The following ACVR1C variants were observed in gnomAD, a reference collection of about 807,000 sequenced individuals.
ACVR1C encodes the protein activin receptor type-1C.
In ACVR1C, 23 loss-of-function variants were observed where a neutral mutation model predicts 57.9. The ratio of observed to expected loss-of-function variants is 0.40; its 90% CI spans 0.29 to 0.56. ACVR1C has a LOEUF of 0.56. Ranked by LOEUF, ACVR1C falls within the 20% of genes least tolerant of loss-of-function variation. ACVR1C has a pLI of 0.50. For missense variants in ACVR1C, 480 were observed against 607.9 expected (o/e 0.79, Z 2.21); for synonymous variants, 214 against 215.3 (o/e 0.99, Z 0.05).
chr2:157,566,398 C>T (rs1688379629), intron 2 of ACVR1C, among the ~76,000 whole-genome samples: 2 of 152,224 alleles, frequency 1.3e-5, no homozygotes, highest in African/African-American at 4.8e-5. Context: ...CTATAGCTCC[C>T]AGCGTGAGCG....
At chr2:157,574,238 A>G (rs531862478) in intron 2 of ACVR1C, among the ~76,000 whole-genome samples, 34 of 152,334 alleles carry the variant, frequency 2.2e-4, no homozygotes, top group Middle Eastern at 3.4e-3. Flanking sequence ...GAAGTCTAAG[A>G]TCAACATGCC....
At chr2:157,563,914 T>C (rs763490404) in intron 2 of ACVR1C, among the ~76,000 whole-genome samples, 2 of 152,220 alleles carry the variant, frequency 1.3e-5, no homozygotes, top group Non-Finnish European at 2.9e-5. Context: ...GCTAGCCATA[T>C]GCAGAAAACT....
intron 1 of ACVR1C, among the ~76,000 whole-genome samples, chr2:157,616,403 C>T (rs563914373): frequency 1.3e-5 from 2 of 152,268 alleles, no homozygotes; most frequent in Non-Finnish European, 2.9e-5. Context: ...TTCCTTTTGA[C>T]ATTTTCTTAC....
chr2:157,538,811 C>T, intron 7 of ACVR1C, 108 bp from the exon 8 acceptor site: 5 of 890,404 alleles, frequency 5.6e-6, no homozygotes. Flanking sequence ...CCCCAGGGAA[C>T]TGGAAAGTCA....
chr2:157,554,287 G>GAAAGAAAGAAAGGAAAGAAGGAAA (rs1558975256), intron 3 of ACVR1C, among the ~76,000 whole-genome samples: 1 of 126,234 alleles, frequency 7.9e-6, no homozygotes, highest in African/African-American at 3.6e-5. Flanking sequence ...AAGGAAGAGA[G>GAAAGAAAGAAAGGAAAGAAGGAAA]AGAGAGAGAG....
intron 1 of ACVR1C, among the ~76,000 whole-genome samples, chr2:157,605,991 C>T (rs767187323): frequency 6.6e-6 from 1 of 151,572 alleles, no homozygotes; most frequent in Non-Finnish European, 1.5e-5. Flanking sequence ...ATCTATCATT[C>T]TATTCTCTAT....
At chr2:157,604,227 A>T (rs578133472) in intron 1 of ACVR1C, among the ~76,000 whole-genome samples, 11 of 152,108 alleles carry the variant, frequency 7.2e-5, no homozygotes, top group African/African-American at 2.6e-4. Context: ...AGTTTTGACA[A>T]CTACAATTCC....
chr2:157,583,405 T>C (rs1688835953), intron 2 of ACVR1C, among the ~76,000 whole-genome samples: 1 of 152,166 alleles, frequency 6.6e-6, no homozygotes, highest in Non-Finnish European at 1.5e-5. Flanking sequence ...AAAAATACTA[T>C]GTTCATGGAT....
chr2:157,541,292 A>T, intron 6 of ACVR1C, 78 bp from the exon 7 acceptor site: 3 of 1,411,988 alleles, frequency 2.1e-6, no homozygotes, highest in Non-Finnish European at 2.9e-6. Context: ...AAATTAAGAT[A>T]GCTTATGCCA....
intron 2 of ACVR1C, among the ~76,000 whole-genome samples, chr2:157,573,783 C>G (rs1439190647): frequency 6.6e-6 from 1 of 152,082 alleles, no homozygotes; most frequent in East Asian, 1.9e-4. Flanking sequence ...CTACAGAAAT[C>G]AATTCTGTCA....
At chr2:157,554,287 G>GAAAGGAAA (rs1558975256) in intron 3 of ACVR1C, among the ~76,000 whole-genome samples, 7 of 126,294 alleles carry the variant, frequency 5.5e-5, no homozygotes, top group African/African-American at 2.2e-4. Flanking sequence ...AAGGAAGAGA[G>GAAAGGAAA]AGAGAGAGAG....
At chr2:157,578,992 T>G (rs1688724095) in intron 2 of ACVR1C, among the ~76,000 whole-genome samples, 1 of 152,204 alleles carries the variant, frequency 6.6e-6, no homozygotes, top group Admixed American at 6.5e-5. Context: ...TTAAATTGAT[T>G]AACATTAAAT....
intron 2 of ACVR1C, among the ~76,000 whole-genome samples, chr2:157,559,527 AGCAG>A (rs1238041532): frequency 2.6e-5 from 4 of 152,208 alleles, no homozygotes; most frequent in Non-Finnish European, 5.9e-5. Context: ...TAATTTTTCT[AGCAG>A]GTTTTAAATT....
At chr2:157,597,767 C>T (rs16841888) in intron 1 of ACVR1C, among the ~76,000 whole-genome samples, 9,746 of 152,188 alleles carry the variant, frequency 0.064, 474 homozygotes, top group East Asian at 0.24. Flanking sequence ...AATAAAATGC[C>T]TTGTCTAGAA....
At chr2:157,600,991 T>C (rs1682266313) in intron 1 of ACVR1C, among the ~76,000 whole-genome samples, 1 of 152,198 alleles carries the variant, frequency 6.6e-6, no homozygotes, top group Non-Finnish European at 1.5e-5. Context: ...ATATAGTTCT[T>C]AGACTTCTAG....
chr2:157,605,831 A>C (rs1682379823), intron 1 of ACVR1C, among the ~76,000 whole-genome samples: 2 of 151,626 alleles, frequency 1.3e-5, no homozygotes, highest in African/African-American at 4.8e-5. Flanking sequence ...AGTTACTTTG[A>C]AATATACAAT....
intron 1 of ACVR1C, among the ~76,000 whole-genome samples, chr2:157,609,363 G>A (rs1190018627): frequency 6.6e-6 from 1 of 151,850 alleles, no homozygotes; most frequent in Non-Finnish European, 1.5e-5. Flanking sequence ...TATAAAATTT[G>A]TTGAGACTTA....
chr2:157,602,205 A>G (rs1682295587), intron 1 of ACVR1C, among the ~76,000 whole-genome samples: 1 of 152,246 alleles, frequency 6.6e-6, no homozygotes, highest in Non-Finnish European at 1.5e-5. Context: ...ATTGGTTACC[A>G]CACTAATTTT....
At chr2:157,600,591 G>T (rs535831051) in intron 1 of ACVR1C, among the ~76,000 whole-genome samples, 5 of 152,228 alleles carry the variant, frequency 3.3e-5, no homozygotes, top group African/African-American at 9.6e-5. Flanking sequence ...TCACTTGTCA[G>T]AAATTTTTAC....
Sources: gnomAD v4.1 joint callset for allele counts (sites outside exome capture counted in the v4.1 genomes callset) on GRCh38, gnomAD v4.1.1 for gene constraint, MANE v1.5 for transcripts, NCBI Gene and HGNC (gene_info 2026-07-23, HGNC 2026-07-21) for gene names.